Variants in TMC2 observed in about 807,000 individuals in gnomAD.
TMC2 encodes the protein transmembrane channel-like protein 2.
In TMC2, 102 loss-of-function variants were observed where a neutral mutation model predicts 105.9. The ratio of observed to expected loss-of-function variants is 0.96; its 90% CI spans 0.82 to 1.14. TMC2 has a LOEUF of 1.14. Among genes scored for constraint, TMC2 ranks in the 50% most tolerant of loss-of-function variants. The pLI, the probability that TMC2 is intolerant of heterozygous loss-of-function variation, is 0.00. For synonymous variants in TMC2, 402 were observed against 422.8 expected, an observed-to-expected ratio of 0.95 and a Z score of 0.60; for missense variants, 1,093 against 1,134.3, an observed-to-expected ratio of 0.96 and a Z score of 0.52.
intron 16 of TMC2, among the ~76,000 whole-genome samples, chr20:2,622,503 A>C (rs2086532603): frequency 6.6e-6 from 1 of 152,118 alleles, no homozygotes; most frequent in Admixed American, 6.5e-5. Context: ...CCCCGTCTCT[A>C]CTAAAAATAC....
At chr20:2,584,206 A>G (rs1218684033) in intron 7 of TMC2, among the ~76,000 whole-genome samples, 1 of 152,090 alleles carries the variant, frequency 6.6e-6, no homozygotes, top group Non-Finnish European at 1.5e-5. Flanking sequence ...GCACTTTGGG[A>G]GGCCGAGGCG....
chr20:2,545,282 G>T (rs2085915796), intron 2 of TMC2, among the ~76,000 whole-genome samples: 1 of 152,156 alleles, frequency 6.6e-6, no homozygotes, highest in Non-Finnish European at 1.5e-5. Context: ...CTTGAGGGGA[G>T]AAGAAAGAAA....
intron 2 of TMC2, among the ~76,000 whole-genome samples, chr20:2,544,852 G>A (rs1457115022): frequency 1.3e-5 from 2 of 152,110 alleles, no homozygotes; most frequent in Non-Finnish European, 2.9e-5. Context: ...ATGAGGCCAG[G>A]AGTTCAAGGC....
intron 19 of TMC2, among the ~76,000 whole-genome samples, chr20:2,639,850 A>G (rs1020920691): frequency 6.6e-6 from 1 of 152,260 alleles, no homozygotes; most frequent in Non-Finnish European, 1.5e-5. Flanking sequence ...GTTGAAAGAG[A>G]CCATCTCTGA....
At chr20:2,539,142 G>A in intron 2 of TMC2, among the ~76,000 whole-genome samples, 1 of 152,176 alleles carries the variant, frequency 6.6e-6, no homozygotes, top group East Asian at 1.9e-4. Flanking sequence ...ATAGGAGGAG[G>A]CCTGTTACAT....
chr20:2,617,044 A>T, intron 15 of TMC2, 28 bp from the exon 16 acceptor site: 2 of 1,613,586 alleles, frequency 1.2e-6, no homozygotes, highest in Non-Finnish European at 1.7e-6. Flanking sequence ...TGTCCAGCCA[A>T]CCAGGTGTTT....
At chr20:2,611,432 C>T (rs2086437632) in intron 12 of TMC2, among the ~76,000 whole-genome samples, 1 of 152,192 alleles carries the variant, frequency 6.6e-6, no homozygotes, top group African/African-American at 2.4e-5. Flanking sequence ...CTGCTCTACC[C>T]TCCTGAGCCT....
intron 17 of TMC2, among the ~76,000 whole-genome samples, chr20:2,628,988 G>A (rs1427261205): frequency 1.3e-5 from 2 of 151,342 alleles, no homozygotes; most frequent in African/African-American, 2.4e-5. Flanking sequence ...TGTGGTCCCA[G>A]CTACTCGGGA....
chr20:2,606,923 C>G, intron 11 of TMC2, among the ~76,000 whole-genome samples: 1 of 84,606 alleles, frequency 1.2e-5, no homozygotes, highest in African/African-American at 5.1e-5. Flanking sequence ...AGTATTCTGT[C>G]ACCCTTTTTC....
At chr20:2,585,708 A>G (rs2086227170) in intron 7 of TMC2, among the ~76,000 whole-genome samples, 1 of 152,204 alleles carries the variant, frequency 6.6e-6, no homozygotes, top group Admixed American at 6.5e-5. Flanking sequence ...GCTGTTCCCA[A>G]GGTTCAGGTA....
chr20:2,629,851 A>C (rs1006586420), intron 17 of TMC2, among the ~76,000 whole-genome samples: 3 of 152,254 alleles, frequency 2.0e-5, no homozygotes, highest in Non-Finnish European at 4.4e-5. Flanking sequence ...TGTTAAATAA[A>C]GTTTTATTGG....
intron 5 of TMC2, among the ~76,000 whole-genome samples, chr20:2,572,648 C>T (rs572427727): frequency 6.6e-6 from 1 of 152,100 alleles, no homozygotes; most frequent in Non-Finnish European, 1.5e-5. Context: ...AGCGATGTCC[C>T]CAGACGGATG....
intron 19 of TMC2, among the ~76,000 whole-genome samples, chr20:2,638,441 T>C (rs1326637976): frequency 6.6e-6 from 1 of 152,200 alleles, no homozygotes; most frequent in Admixed American, 6.5e-5. Flanking sequence ...GGCTTATGTG[T>C]TTACTATACT....
In TMC2 at chr20:2,605,115, C is replaced by T. The variant is rs2146227809; in HGVS notation, c.1413+2814C>T. Among the ~76,000 whole-genome samples the T allele has an allele frequency of 1.3e-5, 2 of 152,246 alleles. 1 individual carries two copies. The highest frequency in any genetic ancestry group is 6.8e-3 in the Middle Eastern group (2 of 294). The stretch of plus-strand genomic sequence containing the variant: ...GAGCCCTTCACCTGTGGAGTCTGTG[C>T]TCACTCTGATTAGTGTCTTAATTGA... On this transcript the variant is annotated intron_variant, in intron 11 of 19. Coordinates refer to ENST00000358864, the MANE Select transcript of TMC2 (RefSeq NM_080751.3).
intron 17 of TMC2, among the ~76,000 whole-genome samples, chr20:2,624,677 C>A (rs2086551638): frequency 6.6e-6 from 1 of 152,132 alleles, no homozygotes; most frequent in Admixed American, 6.5e-5. Flanking sequence ...ATTTATAGAC[C>A]AGCTCCCAGC....
intron 2 of TMC2, among the ~76,000 whole-genome samples, chr20:2,555,138 T>C (rs988430912): frequency 6.6e-6 from 1 of 152,190 alleles, no homozygotes; most frequent in African/African-American, 2.4e-5. Flanking sequence ...TGGAGTGCAA[T>C]GGTGCCATCT....
At chr20:2,584,430 C>T (rs569530577) in intron 7 of TMC2, among the ~76,000 whole-genome samples, 5 of 135,714 alleles carry the variant, frequency 3.7e-5, no homozygotes, top group Admixed American at 1.5e-4. Context: ...GGCGACAGAG[C>T]GAGACTCCGT....
At chr20:2,538,680 T>G (rs1190567085) in intron 2 of TMC2, among the ~76,000 whole-genome samples, 1 of 152,222 alleles carries the variant, frequency 6.6e-6, no homozygotes, top group African/African-American at 2.4e-5. Flanking sequence ...ACACAAACCC[T>G]TTCCTACTGA....
chr20:2,630,315 G>T (rs1259470036), intron 17 of TMC2, among the ~76,000 whole-genome samples: 1 of 152,050 alleles, frequency 6.6e-6, no homozygotes, highest in Admixed American at 6.6e-5. Flanking sequence ...ATTATTATTG[G>T]ATTGTCCATT....
Sources: gnomAD v4.1 joint callset for allele counts (sites outside exome capture counted in the v4.1 genomes callset) on GRCh38, gnomAD v4.1.1 for gene constraint, MANE v1.5 for transcripts, NCBI Gene and HGNC (gene_info 2026-07-23, HGNC 2026-07-21) for gene names.